MBNL3: variants seen among roughly 807,000 people sequenced by gnomAD.
MBNL3 encodes muscleblind-like protein 3.
MBNL3 carries 6 observed loss-of-function variants against 24.5 expected under a neutral mutation model. The ratio of observed to expected loss-of-function variants is 0.25; its 90% CI spans 0.13 to 0.48. The LOEUF is 0.48. MBNL3 is among the 20% of genes least tolerant of loss of function. MBNL3 has a pLI of 0.99. For missense variants in MBNL3, 230 were observed against 293.5 expected, an observed-to-expected ratio of 0.78 and a Z score of 1.58; for synonymous variants, 100 against 101.7, an observed-to-expected ratio of 0.98 and a Z score of 0.10.
intron 1 of MBNL3, among the ~76,000 whole-genome samples, chrX:132,485,536 G>C (rs1265831160): frequency 2.7e-5 from 3 of 112,173 alleles, no homozygotes; most frequent in Admixed American, 9.4e-5. Context: ...AATTCTCAAA[G>C]TTGCCTTTCC....
intron 2 of MBNL3, among the ~76,000 whole-genome samples, chrX:132,413,889 G>A (rs767964553): frequency 1.9e-4 from 21 of 111,712 alleles, no homozygotes; most frequent in Non-Finnish European, 3.2e-4. Context: ...AGTTTTTTAA[G>A]GTTTTTATTT....
At chrX:132,476,702 T>C (rs1418991148) in intron 1 of MBNL3, among the ~76,000 whole-genome samples, 90 of 112,183 alleles carry the variant, frequency 8.0e-4, no homozygotes, top group Non-Finnish European at 2.6e-4. Context: ...GAGTGCTGCA[T>C]GAAATGAATG....
rs1233414624 is a variant in MBNL3, at chrX:132,382,167, A to T, written c.1053+11T>A. The T allele has an allele frequency of 2.5e-6, 3 of 1,207,192 alleles. No homozygotes were observed. Among genetic ancestry groups the T allele is most frequent in the African/African-American group, 1.7e-5 (1 of 57,809 alleles). On this transcript the variant is annotated intron_variant, in intron 8 of 8. Transcript: ENST00000370853. ...TATCTTGATCTGAACAGCTTAAATA[A>T]ATGGCCAAACCTGATTGCCTGTAGT...
intron 1 of MBNL3, among the ~76,000 whole-genome samples, chrX:132,445,815 C>G (rs1945679160): frequency 9.0e-6 from 1 of 111,249 alleles, no homozygotes; most frequent in South Asian, 3.8e-4. Flanking sequence ...TTTAATTGTA[C>G]TTTAAGTTCT....
intron 3 of MBNL3, among the ~76,000 whole-genome samples, chrX:132,396,361 T>TATATATATTC (rs1400111210): frequency 1.2e-5 from 1 of 84,876 alleles, no homozygotes; most frequent in Non-Finnish European, 2.3e-5. Flanking sequence ...TATATATTCC[T>TATATATATTC]ATATATATTC....
intron 1 of MBNL3, among the ~76,000 whole-genome samples, chrX:132,457,680 A>G (rs957610250): frequency 1.8e-5 from 2 of 111,570 alleles, no homozygotes; most frequent in Admixed American, 9.5e-5. Context: ...CCTTCATTCT[A>G]TTTAAAATAA....
chrX:132,400,766 C>T (rs1288666058), intron 3 of MBNL3, among the ~76,000 whole-genome samples: 2 of 111,551 alleles, frequency 1.8e-5, no homozygotes, highest in Non-Finnish European at 3.8e-5. Context: ...TCTAATCTTT[C>T]AGAAAATGTA....
upstream of MBNL3, among the ~76,000 whole-genome samples, chrX:132,489,600 G>T (rs1172511629): frequency 1.8e-5 from 2 of 112,044 alleles, no homozygotes; most frequent in Non-Finnish European, 3.8e-5. Flanking sequence ...GGCTGGGGCC[G>T]CGCCTCCGTG....
intron 7 of MBNL3, among the ~76,000 whole-genome samples, chrX:132,382,715 T>G (rs1430983848): frequency 8.9e-6 from 1 of 111,974 alleles, no homozygotes; most frequent in African/African-American, 3.3e-5. Flanking sequence ...AAATTGGAAT[T>G]TAGGTTCACT....
chrX:132,460,816 G>A (rs1327432230), intron 1 of MBNL3, among the ~76,000 whole-genome samples: 2 of 110,818 alleles, frequency 1.8e-5, no homozygotes, highest in Non-Finnish European at 3.8e-5. Context: ...CCCGAGAAGT[G>A]TACCATGTGC....
At chrX:132,405,877 CACCA>C (rs1941715244) in intron 3 of MBNL3, among the ~76,000 whole-genome samples, 1 of 58,816 alleles carries the variant, frequency 1.7e-5, no homozygotes, top group African/African-American at 8.1e-5. Context: ...AACTCTGTCT[CACCA>C]AAAAAAAAAA....
chrX:132,489,353 G>C (rs954388125), upstream of MBNL3, among the ~76,000 whole-genome samples: 1 of 112,235 alleles, frequency 8.9e-6, no homozygotes, highest in Non-Finnish European at 1.9e-5. Context: ...GCCACGGGCC[G>C]GCCCTACCCG....
At chrX:132,419,014 T>C (rs1173637406) in intron 2 of MBNL3, among the ~76,000 whole-genome samples, 3 of 112,705 alleles carry the variant, frequency 2.7e-5, no homozygotes, top group Non-Finnish European at 5.6e-5. Flanking sequence ...GCTCAAGCGA[T>C]CCACCTGCCT....
chrX:132,454,296 C>T lies in MBNL3; in HGVS notation c.-703-13982G>A, dbSNP rs763338004. ...AGCTATCACTAAATGTTTATTCATC[C>T]TTTAATTATAAACAGCTCAAGTAAT... On this transcript the variant is annotated intron_variant, in intron 1 of 8. Coordinates refer to ENST00000370853, the MANE Select transcript of MBNL3 (RefSeq NM_001386889.1). Among the ~76,000 whole-genome samples the T allele has an allele frequency of 2.2e-4, 25 of 111,290 alleles. 1 individual carries two copies. In the South Asian group the frequency reaches 8.8e-3, roughly 39 times the overall value.
intron 2 of MBNL3, among the ~76,000 whole-genome samples, chrX:132,427,643 G>C (rs1324244707): frequency 9.0e-6 from 1 of 111,602 alleles, no homozygotes; most frequent in Non-Finnish European, 1.9e-5. Flanking sequence ...TTAAAAATGA[G>C]ATCTCTAAAA....
intron 1 of MBNL3, among the ~76,000 whole-genome samples, chrX:132,483,110 A>G (rs1237537167): frequency 3.6e-5 from 4 of 112,420 alleles, no homozygotes; most frequent in African/African-American, 6.5e-5. Context: ...TTTTTTCTCA[A>G]AATCACTTCT....
Position 132,371,365 on chromosome X carries a change from C to T in MBNL3, c.*8301G>A, listed in dbSNP as rs893310474. ...GGTCAATGCAGAGAAGTTCCAGATT[C>T]GCATTTTTGAAGCATTTTGAAATAA... On this transcript the variant is annotated 3_prime_UTR_variant, in exon 9 of 9. Transcript: ENST00000370853. 13 of 112,108 alleles carry T rather than the reference C, an allele frequency of 1.2e-4. No homozygotes were observed. Among genetic ancestry groups the T allele is most frequent in the Non-Finnish European group, 2.4e-4 (13 of 53,186 alleles). The allele number at this position is 112,108 out of a possible 1,213,427, so 9.2% of individuals were successfully genotyped here.
At chrX:132,450,324 C>T (rs1946028068) in intron 1 of MBNL3, among the ~76,000 whole-genome samples, 1 of 111,610 alleles carries the variant, frequency 9.0e-6, no homozygotes. Context: ...TTGGTCTTTT[C>T]ACATAGTCCC....
intron 1 of MBNL3, among the ~76,000 whole-genome samples, chrX:132,477,341 A>G (rs762975051): frequency 1.3e-4 from 15 of 112,526 alleles, no homozygotes; most frequent in Admixed American, 1.3e-3. Context: ...TCACTAACTC[A>G]TAAGAAGCTG....
Sources: gnomAD v4.1 joint callset for allele counts (sites outside exome capture counted in the v4.1 genomes callset) on GRCh38, gnomAD v4.1.1 for gene constraint, MANE v1.5 for transcripts, NCBI Gene and HGNC (gene_info 2026-07-23, HGNC 2026-07-21) for gene names.